Variants in TLN2 observed in about 807,000 individuals in gnomAD.
TLN2 encodes the protein talin 2.
In TLN2, 118 loss-of-function variants were observed where a neutral mutation model predicts 294.7. That is an observed-to-expected ratio of 0.40 (90% CI 0.34 to 0.47). The LOEUF is 0.47. Ranked by LOEUF, TLN2 falls within the 20% of genes least tolerant of loss-of-function variation. TLN2 has a pLI of 0.84. For synonymous variants in TLN2, 1,431 were observed against 1,304.5 expected (o/e 1.10, Z -2.09); for missense variants, 3,083 against 3,282.2 (o/e 0.94, Z 1.48).
intron 48 of TLN2, among the ~76,000 whole-genome samples, chr15:62,798,186 G>A (rs2065657539): frequency 6.6e-6 from 1 of 152,154 alleles, no homozygotes; most frequent in Non-Finnish European, 1.5e-5. Context: ...GATGGGGGTG[G>A]GGAAATGAAC....
intron 1 of TLN2, among the ~76,000 whole-genome samples, chr15:62,468,134 T>A (rs2037248982): frequency 6.6e-6 from 1 of 150,728 alleles, no homozygotes; most frequent in Non-Finnish European, 1.5e-5. Context: ...AATAAATTTT[T>A]AAATTTAATT....
intron 11 of TLN2, among the ~76,000 whole-genome samples, chr15:62,682,448 G>T (rs910296581): frequency 6.6e-6 from 1 of 152,150 alleles, no homozygotes; most frequent in South Asian, 2.1e-4. Flanking sequence ...ATAGCATTAG[G>T]CAGCAGTATT....
At chr15:62,579,840 G>A (rs960480331) in intron 1 of TLN2, among the ~76,000 whole-genome samples, 1 of 152,174 alleles carries the variant, frequency 6.6e-6, no homozygotes, top group African/African-American at 2.4e-5. Context: ...GAGCATGTAG[G>A]AATAGTCCTC....
At chr15:62,558,435 T>C (rs981237434) in intron 1 of TLN2, among the ~76,000 whole-genome samples, 3 of 152,216 alleles carry the variant, frequency 2.0e-5, no homozygotes, top group Non-Finnish European at 4.4e-5. Flanking sequence ...CTACCACATA[T>C]GTTCAGGATG....
Position 62,495,945 on chromosome 15 carries a change from CA to C in TLN2, c.-237-93729del, listed in dbSNP as rs35350561. ...GACCTCTTATCTGTAAGTTCTAGGC[CA>C]AAAAAAAAAAAACAAAAACCAAAAA... On this transcript the variant is annotated intron_variant, in intron 1 of 58. Transcript: ENST00000636159. 7.8e-3 allele frequency among the ~76,000 whole-genome samples: 965 copies of C among 123,720 alleles called. 5 individuals are homozygous for C. Among genetic ancestry groups the C allele is most frequent in the African/African-American group, 0.025 (809 of 32,792 alleles). The allele number at this position is 123,720 out of a possible 152,430, so 81.2% of individuals were successfully genotyped here.
intron 15 of TLN2, 93 bp from the exon 16 acceptor site, chr15:62,698,661 G>C: frequency 1.0e-6 from 1 of 1,002,956 alleles, no homozygotes; most frequent in Middle Eastern, 3.0e-4. Flanking sequence ...GCTTTGTCTT[G>C]AGTGCAGAGT....
intron 1 of TLN2, among the ~76,000 whole-genome samples, chr15:62,485,681 C>A (rs2038351354): frequency 6.6e-6 from 1 of 152,206 alleles, no homozygotes; most frequent in Non-Finnish European, 1.5e-5. Context: ...AATCAGGTAA[C>A]CTTTTCCTAT....
intron 9 of TLN2, among the ~76,000 whole-genome samples, chr15:62,663,112 G>A (rs986060416): frequency 6.6e-6 from 1 of 152,094 alleles, no homozygotes; most frequent in African/African-American, 2.4e-5. Flanking sequence ...ACAGCGCCGG[G>A]CCTTGAGAGA....
chr15:62,761,100 G>A (rs552034561), intron 37 of TLN2, among the ~76,000 whole-genome samples: 3 of 152,302 alleles, frequency 2.0e-5, no homozygotes, highest in East Asian at 3.9e-4. Flanking sequence ...TTATTTGTAT[G>A]GCTGGGGGTA....
At chr15:62,400,063 TG>T (rs1449327946) in intron 1 of TLN2, among the ~76,000 whole-genome samples, 1 of 152,226 alleles carries the variant, frequency 6.6e-6, no homozygotes, top group East Asian at 1.9e-4. Context: ...TATTGAATTA[TG>T]GGGGCGGTTA....
intron 1 of TLN2, among the ~76,000 whole-genome samples, chr15:62,394,541 G>A (rs935387908): frequency 3.9e-5 from 6 of 152,148 alleles, no homozygotes; most frequent in African/African-American, 1.4e-4. Context: ...AAGGAGACTA[G>A]TTAAAACATA....
chr15:62,524,030 G>A (rs1280223698), intron 1 of TLN2, among the ~76,000 whole-genome samples: 3 of 152,160 alleles, frequency 2.0e-5, no homozygotes, highest in African/African-American at 7.2e-5. Context: ...TCCTTTTGAG[G>A]GACCTGGGGT....
chr15:62,699,031 G>T (rs1471613283), intron 16 of TLN2, among the ~76,000 whole-genome samples, 164 bp downstream of exon 16: 2 of 152,172 alleles, frequency 1.3e-5, no homozygotes, highest in African/African-American at 4.8e-5. Flanking sequence ...GCACCCATAG[G>T]AGGAGAGAAT....
At chr15:62,414,152 C>CAAAAAAAAA (rs564398066) in intron 1 of TLN2, among the ~76,000 whole-genome samples, 1 of 51,068 alleles carries the variant, frequency 2.0e-5, no homozygotes, top group African/African-American at 6.8e-5. Context: ...GAAGTGTTAG[C>CAAAAAAAAA]AAAAAAAAAA....
intron 51 of TLN2, among the ~76,000 whole-genome samples, chr15:62,806,381 G>A (rs771829690): frequency 3.3e-5 from 5 of 152,138 alleles, no homozygotes; most frequent in Non-Finnish European, 7.3e-5. Context: ...CTCTCCGAGG[G>A]TGGTGGATAG....
chr15:62,433,653 A>G (rs1003071848), intron 1 of TLN2, among the ~76,000 whole-genome samples: 3 of 152,032 alleles, frequency 2.0e-5, no homozygotes, highest in African/African-American at 7.2e-5. Flanking sequence ...TGGCCTTTGT[A>G]CATAAGGGCC....
chr15:62,782,665 C>T (rs147133813), intron 44 of TLN2, among the ~76,000 whole-genome samples: 24 of 152,312 alleles, frequency 1.6e-4, no homozygotes, highest in African/African-American at 5.1e-4. Context: ...TGGAGCAGCA[C>T]GTGGCAACAC....
intron 3 of TLN2, chr15:62,640,147 G>T (rs1010390342): frequency 4.4e-6 from 2 of 455,226 alleles, no homozygotes; most frequent in African/African-American, 4.0e-5. Flanking sequence ...CCCAGTGCAT[G>T]GTGGGTTCTT....
intron 1 of TLN2, among the ~76,000 whole-genome samples, chr15:62,439,099 C>T (rs1229957007): frequency 6.6e-6 from 1 of 152,114 alleles, no homozygotes; most frequent in East Asian, 1.9e-4. Context: ...TAATTAGGAT[C>T]AAGGATAATA....
Sources: gnomAD v4.1 joint callset for allele counts (sites outside exome capture counted in the v4.1 genomes callset) on GRCh38, gnomAD v4.1.1 for gene constraint, MANE v1.5 for transcripts, NCBI Gene and HGNC (gene_info 2026-07-23, HGNC 2026-07-21) for gene names.